Variants in SLIT2 observed in about 807,000 individuals in gnomAD.
SLIT2 encodes slit guidance ligand 2.
In SLIT2, 41 loss-of-function variants were observed where a neutral mutation model predicts 185.7. The observed-to-expected ratio is 0.22, with a 90% CI of 0.17 to 0.29. The LOEUF (loss-of-function observed/expected upper bound fraction) is 0.29, where lower values mean the gene tolerates loss of function less well. SLIT2 is among the 10% of genes least tolerant of loss of function. The pLI is 1.00. For missense variants in SLIT2, 1,571 were observed against 1,909.0 expected (o/e 0.82, Z 3.30); for synonymous variants, 693 against 680.2 (o/e 1.02, Z -0.29).
intron 29 of SLIT2, among the ~76,000 whole-genome samples, chr4:20,577,514 G>A (rs1726176392): frequency 2.0e-5 from 3 of 152,200 alleles, no homozygotes; most frequent in Non-Finnish European, 1.5e-5. Flanking sequence ...AATGGCTAAT[G>A]TATCTTACTG....
At chr4:20,417,457 T>TATATATATATATAC (rs919072867) in intron 4 of SLIT2, among the ~76,000 whole-genome samples, 1 of 145,014 alleles carries the variant, frequency 6.9e-6, no homozygotes, top group Non-Finnish European at 1.5e-5. Context: ...TATATATATA[T>TATATATATATATAC]ACGTATATAT....
intron 4 of SLIT2, among the ~76,000 whole-genome samples, chr4:20,388,819 AT>A (rs1725150674): frequency 6.9e-6 from 1 of 145,318 alleles, no homozygotes. Flanking sequence ...CATATGTAAA[AT>A]ATATATAATA....
intron 4 of SLIT2, among the ~76,000 whole-genome samples, chr4:20,420,488 T>G (rs1410020615): frequency 1.3e-5 from 2 of 152,148 alleles, no homozygotes; most frequent in African/African-American, 4.8e-5. Flanking sequence ...ATAATATATT[T>G]TATTTATTTA....
At chr4:20,475,238 C>T (rs1715966577) in intron 5 of SLIT2, among the ~76,000 whole-genome samples, 1 of 151,986 alleles carries the variant, frequency 6.6e-6, no homozygotes, top group African/African-American at 2.4e-5. Context: ...TTGATAGACC[C>T]ATTACCTCCA....
chr4:20,585,777 T>C (rs1310696097), intron 29 of SLIT2, among the ~76,000 whole-genome samples: 3 of 152,154 alleles, frequency 2.0e-5, no homozygotes, highest in African/African-American at 7.2e-5. Context: ...GATAATATTA[T>C]CTCAGGACCT....
rs78846625 is a variant in SLIT2, at chr4:20,494,703, C to T, written c.914+2804C>T. On this transcript the variant is annotated intron_variant, in intron 9 of 36. Coordinates refer to ENST00000504154, the MANE Select transcript of SLIT2 (RefSeq NM_004787.4). ...CTGAGGCAGGAGAATGGCATGAACCCGGGGACAATGCTTGTAGTGAGCCGA... is the reference window on the plus strand; with the variant it reads ...CTGAGGCAGGAGAATGGCATGAACCTGGGGACAATGCTTGTAGTGAGCCGA... Among the ~76,000 whole-genome samples, 356 of 150,754 alleles carry T rather than the reference C, an allele frequency of 2.4e-3. 12 individuals are homozygous for T. The East Asian group carries it at 0.057, about 24-fold the overall frequency.
intron 6 of SLIT2, among the ~76,000 whole-genome samples, chr4:20,485,186 CT>C (rs1430879303): frequency 6.6e-6 from 1 of 152,126 alleles, no homozygotes; most frequent in African/African-American, 2.4e-5. Flanking sequence ...ACTTCTACCA[CT>C]TTCTTATCAC....
chr4:20,478,252 A>C (rs1472689918), intron 5 of SLIT2, among the ~76,000 whole-genome samples: 1 of 152,172 alleles, frequency 6.6e-6, no homozygotes, highest in African/African-American at 2.4e-5. Context: ...AAATACCTTC[A>C]TGTTCAGGAA....
chr4:20,354,053 G>T (rs1380704785), intron 4 of SLIT2, among the ~76,000 whole-genome samples: 1 of 152,236 alleles, frequency 6.6e-6, no homozygotes, highest in East Asian at 1.9e-4. Context: ...AAAGAGTGCT[G>T]TGTTAGCAGT....
chr4:20,518,557 G>GTGTGTATATATATATATATA lies in SLIT2; in HGVS notation c.1059-824_1059-823insGTGTATATATATATATATAT, dbSNP rs1271279922. 3.5e-3 allele frequency among the ~76,000 whole-genome samples: 62 copies of GTGTGTATATATATATATATA among 17,860 alleles called. 2 individuals are homozygous for GTGTGTATATATATATATATA. The highest frequency in any genetic ancestry group is 4.5e-3 in the Non-Finnish European group (47 of 10,548). The allele number at this position is 17,860 out of a possible 152,430, so 11.7% of individuals were successfully genotyped here. A position where few individuals can be genotyped will look rare whatever the true frequency, so the allele number is the denominator to read the frequency against. On this transcript the variant is annotated intron_variant, in intron 11 of 36. Transcript: ENST00000504154. ...ATGAGCCACTGTGCCCAGCCTATAT[G>GTGTGTATATATATATATATA]TATATATATATATATATATATATAT...
At chr4:20,354,906 TGAGA>T (rs35761202) in intron 4 of SLIT2, among the ~76,000 whole-genome samples, 1,253 of 76,992 alleles carry the variant, frequency 0.016, 9 homozygotes, top group South Asian at 0.044. Flanking sequence ...TGTGTGTGTG[TGAGA>T]GAGAGAGAGA....
intron 4 of SLIT2, chr4:20,394,715 A>T (rs1240991090): frequency 6.6e-6 from 1 of 152,120 alleles, no homozygotes; most frequent in African/African-American, 2.4e-5. Flanking sequence ...TGCACTGTGC[A>T]TTTAGATAAT....
At chr4:20,486,378 A>G (rs1308963317) in intron 7 of SLIT2, 107 bp downstream of exon 7, 1 of 663,374 alleles carries the variant, frequency 1.5e-6, no homozygotes, top group Non-Finnish European at 2.7e-6. Flanking sequence ...CAAGGTAGAC[A>G]AGGAAAACCC....
intron 21 of SLIT2, among the ~76,000 whole-genome samples, chr4:20,545,245 C>T (rs1474075580): frequency 6.6e-6 from 1 of 151,962 alleles, no homozygotes; most frequent in Non-Finnish European, 1.5e-5. Context: ...TTCTGAATGA[C>T]ATTTGCACCC....
chr4:20,282,792 G>A (rs1280146948), intron 4 of SLIT2, among the ~76,000 whole-genome samples: 1 of 152,122 alleles, frequency 6.6e-6, no homozygotes, highest in Non-Finnish European at 1.5e-5. Flanking sequence ...AATCCAGAGA[G>A]CAAAACCAGT....
At chr4:20,574,839 T>TTCTCTTGC in intron 29 of SLIT2, among the ~76,000 whole-genome samples, 1 of 151,290 alleles carries the variant, frequency 6.6e-6, no homozygotes, top group South Asian at 2.1e-4. Context: ...TCTCTCTGTC[T>TTCTCTTGC]TCTCTTGCTA....
rs568652529 is a variant in SLIT2 at position 20,403,980 on chromosome 4, A to G, written c.396-63772A>G. Among the ~76,000 whole-genome samples, 5 of 152,062 alleles carry G rather than the reference A, an allele frequency of 3.3e-5. No homozygotes were observed. In the East Asian group the frequency reaches 7.7e-4, roughly 24 times the overall value. ...TCATTGGGCCGCATACAAACATGAA[A>G]TGTCAACTTTGCCTCAATAAAGATG... On this transcript the variant is annotated intron_variant, in intron 4 of 36. Coordinates refer to ENST00000504154, the MANE Select transcript of SLIT2 (RefSeq NM_004787.4).
chr4:20,538,781 A>G (rs1722530699), intron 18 of SLIT2, among the ~76,000 whole-genome samples: 1 of 64,716 alleles, frequency 1.5e-5, no homozygotes, highest in African/African-American at 5.6e-5. Context: ...GACAATGACT[A>G]AAAAAAAAAA....
At chr4:20,479,868 G>A (rs955561699) in intron 5 of SLIT2, among the ~76,000 whole-genome samples, 1 of 152,122 alleles carries the variant, frequency 6.6e-6, no homozygotes, top group African/African-American at 2.4e-5. Context: ...CACTGATACA[G>A]CTTTTAGGCT....
Sources: allele counts gnomAD v4.1 joint callset (sites outside exome capture counted in the v4.1 genomes callset), GRCh38; gene constraint gnomAD v4.1.1; transcripts MANE v1.5; gene names NCBI Gene and HGNC (gene_info 2026-07-23, HGNC 2026-07-21).